The following CDYL variants were observed in gnomAD, a reference collection of about 807,000 sequenced individuals.
The protein encoded by CDYL is chromodomain Y like.
A neutral mutation model predicts 47.3 loss-of-function variants in CDYL; 8 were observed. The observed-to-expected ratio is 0.17, with a 90% CI of 0.10 to 0.31. The LOEUF is 0.31. Among genes scored for constraint, CDYL ranks in the 10% least tolerant of loss-of-function variants. The pLI is 1.00. For synonymous variants in CDYL, 266 were observed against 265.0 expected, an observed-to-expected ratio of 1.00 and a Z score of -0.04; for missense variants, 471 against 701.4, an observed-to-expected ratio of 0.67 and a Z score of 3.71.
chr6:4,717,890 A>G (rs1757299532), intron 2 of CDYL, among the ~76,000 whole-genome samples: 1 of 149,998 alleles, frequency 6.7e-6, no homozygotes, highest in South Asian at 2.1e-4. Context: ...TCTATCACAT[A>G]GGCTGAAGTG....
At chr6:4,772,975 A>G (rs1484967189), upstream of CDYL, 5 of 373,124 alleles carry the variant, frequency 1.3e-5, no homozygotes, top group Non-Finnish European at 2.1e-5. Flanking sequence ...AAAGGAAGAC[A>G]TGCCTGGTTT....
chr6:4,746,894 A>G (rs1757908333), intron 3 of CDYL, among the ~76,000 whole-genome samples: 1 of 151,828 alleles, frequency 6.6e-6, no homozygotes, highest in Non-Finnish European at 1.5e-5. Flanking sequence ...CCCTCACCCC[A>G]TCTACTCTTG....
intron 1 of CDYL, among the ~76,000 whole-genome samples, chr6:4,868,850 A>G (rs73348317): frequency 1.1e-4 from 17 of 152,326 alleles, no homozygotes; most frequent in African/African-American, 3.8e-4. Flanking sequence ...GAAATACTTG[A>G]AATACTGAAA....
chr6:4,779,678 C>T (rs139407980), intron 1 of CDYL, among the ~76,000 whole-genome samples: 5 of 152,276 alleles, frequency 3.3e-5, no homozygotes, highest in East Asian at 1.9e-4. Context: ...TGAGGAAAAA[C>T]GGATTTTTGA....
At chr6:4,873,146 A>G (rs772217647) in intron 1 of CDYL, among the ~76,000 whole-genome samples, 3 of 152,212 alleles carry the variant, frequency 2.0e-5, no homozygotes, top group Non-Finnish European at 2.9e-5. Context: ...AAGTGGTTTT[A>G]TTTGTACCAG....
Position 4,895,453 on chromosome 6 carries a change from ATACATG to A in CDYL, c.691+3077_691+3082del, listed in dbSNP as rs1762244184. Among the ~76,000 whole-genome samples, 2 of 87,682 alleles carry A rather than the reference ATACATG, an allele frequency of 2.3e-5. 1 individual carries two copies. Among genetic ancestry groups the A allele is most frequent in the African/African-American group, 9.1e-5 (2 of 22,074 alleles). The allele number at this position is 87,682 out of a possible 152,430, so 57.5% of individuals were successfully genotyped here. ...TACATGTATACGTATATATGCATAT[ATACATG>A]TATACATATATACGTATATATGTAT... On this transcript the variant is annotated intron_variant, in intron 2 of 6. Transcript: ENST00000397588.
chr6:4,756,197 C>T (rs1758071323), intron 3 of CDYL, among the ~76,000 whole-genome samples: 1 of 152,192 alleles, frequency 6.6e-6, no homozygotes. Flanking sequence ...AGCAGTTGCC[C>T]TGTCCTCTAG....
chr6:4,741,732 G>T (rs1298976138), intron 3 of CDYL, among the ~76,000 whole-genome samples: 2 of 152,226 alleles, frequency 1.3e-5, no homozygotes, highest in African/African-American at 4.8e-5. Flanking sequence ...TAGCTGGGCA[G>T]CAATGTGCCT....
chr6:4,861,902 C>T (rs765640942), intron 1 of CDYL, among the ~76,000 whole-genome samples: 6 of 152,186 alleles, frequency 3.9e-5, no homozygotes, highest in Non-Finnish European at 8.8e-5. Context: ...TACAAAGACC[C>T]ATGACCATCT....
chr6:4,893,490 C>T (rs540651925), intron 2 of CDYL, among the ~76,000 whole-genome samples: 5 of 152,150 alleles, frequency 3.3e-5, no homozygotes, highest in Non-Finnish European at 5.9e-5. Context: ...GTCAGGAGTT[C>T]GAGACCAGCC....
intron 1 of CDYL, among the ~76,000 whole-genome samples, chr6:4,859,638 G>C (rs368728867): frequency 6.6e-6 from 1 of 152,186 alleles, no homozygotes; most frequent in South Asian, 2.1e-4. Context: ...CTGCACACTT[G>C]CTAAAGTTTT....
chr6:4,742,364 CAA>C (rs60712483), intron 3 of CDYL, among the ~76,000 whole-genome samples: 13 of 52,600 alleles, frequency 2.5e-4, no homozygotes, highest in African/African-American at 1.9e-4. Flanking sequence ...GATCCTGTCT[CAA>C]AAAAAAAAAA....
intron 1 of CDYL, among the ~76,000 whole-genome samples, chr6:4,777,264 G>T (rs549944175): frequency 6.6e-6 from 1 of 152,262 alleles, no homozygotes; most frequent in South Asian, 2.1e-4. Flanking sequence ...AAACGCTTTC[G>T]ACTTTGCTGT....
At chr6:4,853,834 C>T (rs1438105820) in intron 1 of CDYL, among the ~76,000 whole-genome samples, 3 of 152,260 alleles carry the variant, frequency 2.0e-5, no homozygotes, top group Non-Finnish European at 2.9e-5. Context: ...AGCACACCTG[C>T]GTGTGCAGAA....
chr6:4,943,647 T>C lies in CDYL; in HGVS notation c.1223T>C (p.Val408Ala). The part of the protein sequence containing the change: ...LGASILPLCD[V>A]VWANEKAWFQ... ...GCATCTATATTGCCTCTTTGCGATG[T>C]GGTTTGGGCTAATGAAAAGGCTTGG... Residue 408 changes from valine (V) to alanine (A), a missense_variant, in exon 5 of 7, where the codon GTG (valine) becomes GCG (alanine). Coordinates refer to ENST00000397588, the MANE Select transcript of CDYL (RefSeq NM_004824.4). 6.2e-7 allele frequency: 1 copy of C among 1,613,960 alleles called. No homozygotes were observed. Among genetic ancestry groups the C allele is most frequent in the Non-Finnish European group, 8.5e-7 (1 of 1,179,958 alleles).
At chr6:4,932,903 A>G (rs939351534) in intron 2 of CDYL, among the ~76,000 whole-genome samples, 7 of 152,032 alleles carry the variant, frequency 4.6e-5, no homozygotes, top group African/African-American at 1.5e-4. Context: ...GTTGTCTTTC[A>G]TTGTGTCCTG....
intron 1 of CDYL, among the ~76,000 whole-genome samples, chr6:4,780,379 G>A (rs1045927837): frequency 7.7e-6 from 1 of 129,514 alleles, no homozygotes; most frequent in African/African-American, 2.9e-5. Flanking sequence ...GATTACAGAC[G>A]TGCACCACCC....
Position 4,868,460 on chromosome 6 carries a change from A to G in CDYL, c.25-23253A>G, listed in dbSNP as rs116190604. ...AATTCCATTATGGCCATTAAACACAATTTTCTCTTGTCTTTAGCTTTTGGT... is the reference window on the plus strand; with the variant it reads ...AATTCCATTATGGCCATTAAACACAGTTTTCTCTTGTCTTTAGCTTTTGGT... On this transcript the variant is annotated intron_variant, in intron 1 of 6. Coordinates refer to ENST00000397588, the MANE Select transcript of CDYL (RefSeq NM_004824.4). Among the ~76,000 whole-genome samples the G allele has an allele frequency of 7.7e-3, 1,174 of 151,866 alleles. 17 individuals carry two copies. The highest frequency in any genetic ancestry group is 0.027 in the African/African-American group (1,132 of 41,414).
At chr6:4,821,709 C>T (rs760677655) in intron 1 of CDYL, among the ~76,000 whole-genome samples, 5 of 150,432 alleles carry the variant, frequency 3.3e-5, no homozygotes, top group Non-Finnish European at 5.9e-5. Flanking sequence ...GTACTCCAGC[C>T]TGGGCTCTAG....
Sources: gnomAD v4.1 joint callset for allele counts (sites outside exome capture counted in the v4.1 genomes callset) on GRCh38, gnomAD v4.1.1 for gene constraint, MANE v1.5 for transcripts, NCBI Gene and HGNC (gene_info 2026-07-23, HGNC 2026-07-21) for gene names.